CDC73: variants seen among roughly 807,000 people sequenced by gnomAD.
The protein encoded by CDC73 is parafibromin.
In CDC73, 21 loss-of-function variants were observed where a neutral mutation model predicts 83.7. The observed-to-expected ratio is 0.25, with a 90% CI of 0.18 to 0.36. The LOEUF is 0.36. Ranked by LOEUF, CDC73 falls within the 10% of genes least tolerant of loss-of-function variation. The pLI, the probability that CDC73 is intolerant of heterozygous loss-of-function variation, is 1.00. For synonymous variants in CDC73, 224 were observed against 212.9 expected, an observed-to-expected ratio of 1.05 and a Z score of -0.45; for missense variants, 342 against 653.3, an observed-to-expected ratio of 0.52 and a Z score of 5.19.
intron 8 of CDC73, among the ~76,000 whole-genome samples, chr1:193,149,437 A>C (rs962186099): frequency 6.6e-6 from 1 of 152,154 alleles, no homozygotes; most frequent in Non-Finnish European, 1.5e-5. Context: ...GGTACTTAGA[A>C]TTATGAATTT....
chr1:193,130,989 T>A (rs548256461), intron 3 of CDC73, among the ~76,000 whole-genome samples: 7 of 152,202 alleles, frequency 4.6e-5, no homozygotes, highest in South Asian at 4.1e-4. Context: ...TCTTTTTTTT[T>A]ATCTTTTCTT....
At chr1:193,145,041 CA>C (rs1453378114) in intron 7 of CDC73, among the ~76,000 whole-genome samples, 2 of 152,068 alleles carry the variant, frequency 1.3e-5, no homozygotes, top group Non-Finnish European at 2.9e-5. Flanking sequence ...GAGTCTTTTA[CA>C]AATAATATTA....
chr1:193,145,828 A>G (rs1340361221), intron 7 of CDC73, among the ~76,000 whole-genome samples: 2 of 152,228 alleles, frequency 1.3e-5, no homozygotes, highest in Non-Finnish European at 2.9e-5. Context: ...ATTTATTTGT[A>G]TAGTATTTAT....
chr1:193,132,866 C>G (rs1229741790), intron 3 of CDC73, among the ~76,000 whole-genome samples: 1 of 151,040 alleles, frequency 6.6e-6, no homozygotes, highest in East Asian at 1.9e-4. Context: ...GTAGAGTTGC[C>G]CTTTATCCAT....
At position 193,251,084 on chromosome 1, in the gene CDC73, C is replaced by T. The variant is rs1320835955; in HGVS notation, c.*372C>T. ...TTTCATTGCTCTATAATTCTTTTTA[C>T]TGAAAATACTATGTTATGAATGGTA... On this transcript the variant is annotated 3_prime_UTR_variant, in exon 17 of 17. Coordinates refer to ENST00000367435, the MANE Select transcript of CDC73 (RefSeq NM_024529.5). 1 of 288,942 alleles carries T rather than the reference C, an allele frequency of 3.5e-6. No homozygotes were observed. The highest frequency in any genetic ancestry group is 6.6e-6 in the Non-Finnish European group (1 of 152,366). The allele number at this position is 288,942 out of a possible 1,614,324, so 17.9% of individuals were successfully genotyped here. A position where few individuals can be genotyped will look rare whatever the true frequency, so the allele number is the denominator to read the frequency against.
intron 10 of CDC73, among the ~76,000 whole-genome samples, chr1:193,161,419 G>C (rs1046166727): frequency 1.3e-5 from 2 of 150,162 alleles, no homozygotes; most frequent in Non-Finnish European, 3.0e-5. Flanking sequence ...ATAGAACTCA[G>C]ATAACTCACT....
At chr1:193,154,322 C>T (rs1676171020) in intron 10 of CDC73, among the ~76,000 whole-genome samples, 1 of 152,168 alleles carries the variant, frequency 6.6e-6, no homozygotes, top group Non-Finnish European at 1.5e-5. Flanking sequence ...ATTATCTGAG[C>T]TTCTTTGCAA....
At position 193,250,766 on chromosome 1, in the gene CDC73, C is replaced by G; in HGVS notation, c.*54C>G. The G allele has an allele frequency of 6.9e-7, 1 of 1,446,402 alleles. No homozygotes were observed. Among genetic ancestry groups the G allele is most frequent in the Non-Finnish European group, 9.7e-7 (1 of 1,028,730 alleles). The allele number at this position is 1,446,402 out of a possible 1,614,324, so 89.6% of individuals were successfully genotyped here. ...TGAGACTCAAGCTTTATGAATTTATCAAGAACTTAAAAATGAAGAAGGTCA... is the reference window on the plus strand; with the variant it reads ...TGAGACTCAAGCTTTATGAATTTATGAAGAACTTAAAAATGAAGAAGGTCA... On this transcript the variant is annotated 3_prime_UTR_variant, in exon 17 of 17. Transcript: ENST00000367435.
chr1:193,152,465 A>G (rs1676131239), intron 10 of CDC73, 21 bp downstream of exon 10: 4 of 1,539,380 alleles, frequency 2.6e-6, no homozygotes, highest in South Asian at 1.1e-5. Context: ...TTGGCTGTAG[A>G]TGTTCTTTTG....
chr1:193,207,469 A>T (rs1470516739), intron 11 of CDC73, among the ~76,000 whole-genome samples: 1 of 152,146 alleles, frequency 6.6e-6, no homozygotes, highest in Non-Finnish European at 1.5e-5. Context: ...GGCGTATTTC[A>T]GTCCTTATCT....
intron 10 of CDC73, among the ~76,000 whole-genome samples, chr1:193,187,841 G>C (rs569715031): frequency 1.3e-5 from 2 of 152,178 alleles, no homozygotes; most frequent in South Asian, 4.1e-4. Context: ...AGAAAAAAAA[G>C]AATTTTATAA....
chr1:193,246,289 G>GGT (rs1677952268), intron 15 of CDC73, among the ~76,000 whole-genome samples: 1 of 151,890 alleles, frequency 6.6e-6, no homozygotes, highest in South Asian at 2.1e-4. Context: ...TTTTGTATGG[G>GGT]GTGAGAGGTA....
chr1:193,207,665 G>A (rs1162932493), intron 11 of CDC73, among the ~76,000 whole-genome samples: 1 of 152,132 alleles, frequency 6.6e-6, no homozygotes. Flanking sequence ...CCACAGGCAG[G>A]CAGACCTTAT....
intron 15 of CDC73, among the ~76,000 whole-genome samples, chr1:193,245,347 C>T (rs1268086562): frequency 6.6e-6 from 1 of 152,062 alleles, no homozygotes; most frequent in East Asian, 1.9e-4. Flanking sequence ...TTTTTTTTAG[C>T]TTCTACATAT....
At position 193,233,083 on chromosome 1, in the gene CDC73, G is replaced by A. The variant is rs1677689805; in HGVS notation, c.1245G>A (p.Gly415=). The A allele has an allele frequency of 6.2e-7, 1 of 1,613,086 alleles. No homozygotes were observed. The highest frequency in any genetic ancestry group is 8.5e-7 in the Non-Finnish European group (1 of 1,179,108). Residue 415 remains glycine, a synonymous_variant, in exon 14 of 17, where the codon GGG becomes GGA. Transcript: ENST00000367435. ...IQRRKDQMQP[G]GTAISVTVPY... is the part of the protein sequence containing the mutation. ...GAAGAAAAGACCAGATGCAACCAGG[G>A]GGCACTGCAATTAGTGTTACAGTAC...
intron 10 of CDC73, among the ~76,000 whole-genome samples, chr1:193,165,582 TTGG>T (rs1001726736): frequency 2.0e-5 from 3 of 152,238 alleles, no homozygotes; most frequent in Non-Finnish European, 2.9e-5. Context: ...TTTTTCATAA[TTGG>T]TGGATTGTGT....
intron 9 of CDC73, among the ~76,000 whole-genome samples, chr1:193,151,963 A>G (rs1018785766): frequency 1.3e-5 from 2 of 152,192 alleles, no homozygotes; most frequent in East Asian, 1.9e-4. Flanking sequence ...ATGTATGTAT[A>G]TAAAAATAAG....
chr1:193,180,089 T>C (rs547531283), intron 10 of CDC73: 3 of 432,408 alleles, frequency 6.9e-6, no homozygotes, highest in African/African-American at 6.2e-5. Flanking sequence ...TACAGTTTTT[T>C]AAATAGATTG....
chr1:193,122,323 T>G lies in CDC73; in HGVS notation c.123T>G (p.Val41=). ...CCAAGAATGTGAAGACCAACTATGT[T>G]GTTTGGGGGTAAGTCCGGCATGGCT... ...SWPKNVKTNY[V]VWGTGKEGQP... is the part of the protein sequence containing the mutation. The change falls in exon 1 of 17, where the codon GTT becomes GTG. Residue 41 remains valine, a synonymous_variant. Coordinates refer to ENST00000367435, the MANE Select transcript of CDC73 (RefSeq NM_024529.5). 6.2e-7 allele frequency: 1 copy of G among 1,614,054 alleles called. No homozygotes were observed. The highest frequency in any genetic ancestry group is 8.5e-7 in the Non-Finnish European group (1 of 1,179,962).
Sources: gnomAD v4.1 joint callset for allele counts (sites outside exome capture counted in the v4.1 genomes callset) on GRCh38, gnomAD v4.1.1 for gene constraint, MANE v1.5 for transcripts, NCBI Gene and HGNC (gene_info 2026-07-23, HGNC 2026-07-21) for gene names.